The following SDK1 variants were observed in gnomAD, a reference collection of about 807,000 sequenced individuals.
SDK1 encodes sidekick cell adhesion molecule 1, also known as protein sidekick-1.
Under a neutral mutation model 245.5 loss-of-function variants are expected in SDK1, and 157 were observed. That is an observed-to-expected ratio of 0.64 (90% CI 0.56 to 0.73). SDK1 has a LOEUF of 0.73. SDK1 is among the 30% of genes least tolerant of loss of function. The probability of loss-of-function intolerance (pLI) is 0.00; values close to 1 mark genes in which losing one functional copy is unlikely to be tolerated. For synonymous variants in SDK1, 1,647 were observed against 1,278.5 expected (o/e 1.29, Z -6.15); for missense variants, 3,583 against 3,002.3 (o/e 1.19, Z -4.52).
chr7:3,526,958 G>C (rs775948122), intron 1 of SDK1, among the ~76,000 whole-genome samples: 31 of 152,252 alleles, frequency 2.0e-4, no homozygotes, highest in Middle Eastern at 6.8e-3. Context: ...ACAGGAGGTT[G>C]TCAGTTAACT....
chr7:3,979,365 G>T (rs1783217669), intron 13 of SDK1, among the ~76,000 whole-genome samples: 1 of 152,106 alleles, frequency 6.6e-6, no homozygotes, highest in South Asian at 2.1e-4. Context: ...CTGCCTCCTG[G>T]GGCTGGGAAC....
At position 4,054,948 on chromosome 7, in the gene SDK1, A is replaced by G. The variant is rs141187626; in HGVS notation, c.2911+3118A>G. The stretch of plus-strand genomic sequence containing the variant: ...AACCAGCTTTGTGTACTTAAATTCA[A>G]CTTGGTCACAGTGTATAATTCTTTT... On this transcript the variant is annotated intron_variant, in intron 19 of 44. Coordinates refer to ENST00000404826, the MANE Select transcript of SDK1 (RefSeq NM_152744.4). Among the ~76,000 whole-genome samples the G allele has an allele frequency of 3.7e-3, 557 of 152,288 alleles. 2 individuals are homozygous for G. Among genetic ancestry groups the G allele is most frequent in the Middle Eastern group, 6.8e-3 (2 of 294 alleles).
At chr7:3,560,827 C>T (rs533528829) in intron 1 of SDK1, among the ~76,000 whole-genome samples, 147 of 152,240 alleles carry the variant, frequency 9.7e-4, no homozygotes, top group African/African-American at 3.2e-3. Context: ...TCCAACCTGC[C>T]CGAGTTGCTG....
intron 35 of SDK1, among the ~76,000 whole-genome samples, chr7:4,188,607 A>G (rs998582582): frequency 1.3e-5 from 2 of 151,848 alleles, no homozygotes; most frequent in Non-Finnish European, 2.9e-5. Context: ...CCATTTTGAG[A>G]CCAAGTAAAT....
chr7:3,834,825 A>G (rs1779994561), intron 5 of SDK1, among the ~76,000 whole-genome samples: 1 of 152,144 alleles, frequency 6.6e-6, no homozygotes, highest in Non-Finnish European at 1.5e-5. Flanking sequence ...CAGTGAGTGC[A>G]TGGAAGCCTG....
chr7:3,607,005 T>G (rs1015046246), intron 1 of SDK1, among the ~76,000 whole-genome samples: 5 of 152,180 alleles, frequency 3.3e-5, no homozygotes, highest in Admixed American at 6.5e-5. Context: ...CTTTCTTCAT[T>G]GATTTGCTGT....
At chr7:3,615,700 AC>A (rs1474648904) in intron 1 of SDK1, among the ~76,000 whole-genome samples, 1 of 151,518 alleles carries the variant, frequency 6.6e-6, no homozygotes, top group Admixed American at 6.6e-5. Flanking sequence ...CACATCCATA[AC>A]CAATCTATCA....
At chr7:4,024,568 A>C (rs1787181502) in intron 17 of SDK1, among the ~76,000 whole-genome samples, 1 of 152,228 alleles carries the variant, frequency 6.6e-6, no homozygotes, top group Non-Finnish European at 1.5e-5. Flanking sequence ...GCTTTAGGGG[A>C]AGCCACTGTG....
At chr7:3,798,438 T>C (rs61155687) in intron 4 of SDK1, among the ~76,000 whole-genome samples, 22,953 of 151,930 alleles carry the variant, frequency 0.15, 1,852 homozygotes, top group Middle Eastern at 0.31. Context: ...ATGATGGTCT[T>C]GATCTCCTGA....
At chr7:4,206,725 G>A (rs149835748) in intron 36 of SDK1, among the ~76,000 whole-genome samples, 16 of 152,230 alleles carry the variant, frequency 1.1e-4, no homozygotes, top group Middle Eastern at 3.4e-3. Context: ...ATAAGCATCC[G>A]GGGTCTTTGC....
Position 3,673,147 on chromosome 7 carries a change from C to T in SDK1, c.713+31042C>T, listed in dbSNP as rs76383924. On this transcript the variant is annotated intron_variant, in intron 4 of 44. Coordinates refer to ENST00000404826, the MANE Select transcript of SDK1 (RefSeq NM_152744.4). ...ATTTCAGTGATGCACCAAGCTTTTC[C>T]GAAAATGAGTTCCAAAGGGAATTGA... is the stretch of plus-strand genomic sequence containing the variant. 2.1e-3 allele frequency among the ~76,000 whole-genome samples: 316 copies of T among 152,162 alleles called. 1 individual carries two copies. Among genetic ancestry groups the T allele is most frequent in the African/African-American group, 7.3e-3 (304 of 41,526 alleles).
At chr7:3,856,718 G>T (rs1213450853) in intron 5 of SDK1, among the ~76,000 whole-genome samples, 1 of 151,122 alleles carries the variant, frequency 6.6e-6, no homozygotes, top group Non-Finnish European at 1.5e-5. Context: ...TTGAACATGG[G>T]AGGCGGAGAT....
chr7:3,986,590 G>A (rs527534926), intron 13 of SDK1, among the ~76,000 whole-genome samples: 1 of 152,194 alleles, frequency 6.6e-6, no homozygotes, highest in Non-Finnish European at 1.5e-5. Flanking sequence ...GCCGGGCATG[G>A]TGGCTCACGC....
chr7:3,644,793 C>CAAAAAAAA (rs59276438), intron 4 of SDK1, among the ~76,000 whole-genome samples: 2 of 108,896 alleles, frequency 1.8e-5, no homozygotes, highest in East Asian at 2.5e-4. Flanking sequence ...AAAAAAAAAA[C>CAAAAAAAA]AAAAAACAAC....
intron 1 of SDK1, among the ~76,000 whole-genome samples, chr7:3,563,889 A>T (rs186938201): frequency 8.5e-5 from 13 of 152,236 alleles, no homozygotes; most frequent in African/African-American, 3.1e-4. Flanking sequence ...TACTAATAAA[A>T]TGATAGTCCC....
chr7:3,850,589 A>G (rs1780393951), intron 5 of SDK1, among the ~76,000 whole-genome samples: 1 of 152,192 alleles, frequency 6.6e-6, no homozygotes, highest in African/African-American at 2.4e-5. Flanking sequence ...TCACAATAGC[A>G]AAGACTTGGA....
chr7:3,602,840 A>G lies in SDK1; in HGVS notation c.299-16240A>G, dbSNP rs1781293723. Among the ~76,000 whole-genome samples, 4 of 152,182 alleles carry G rather than the reference A, an allele frequency of 2.6e-5. No homozygotes were observed. In the South Asian group the frequency reaches 8.3e-4, roughly 32 times the overall value. ...ACATTTAAGTCTTTAATCCATCTTG[A>G]ATTAATTTTTGTATAAGGTGTAAGG... On this transcript the variant is annotated intron_variant, in intron 1 of 44. Transcript: ENST00000404826.
chr7:3,502,711 T>TG (rs1254446379), intron 1 of SDK1, among the ~76,000 whole-genome samples: 3 of 152,256 alleles, frequency 2.0e-5, no homozygotes, highest in African/African-American at 4.8e-5. Context: ...TATGTGTTAT[T>TG]GGGGTACCGT....
chr7:3,881,227 A>G (rs959410036), intron 5 of SDK1, among the ~76,000 whole-genome samples: 5 of 152,144 alleles, frequency 3.3e-5, no homozygotes, highest in African/African-American at 1.2e-4. Context: ...AGCATGCATT[A>G]GTTATTCTTC....
Sources: allele counts gnomAD v4.1 joint callset (sites outside exome capture counted in the v4.1 genomes callset), GRCh38; gene constraint gnomAD v4.1.1; transcripts MANE v1.5; gene names NCBI Gene and HGNC (gene_info 2026-07-23, HGNC 2026-07-21).